Variants in SH3BP4 observed in about 807,000 individuals in gnomAD.
The protein encoded by SH3BP4 is SH3 domain-binding protein 4.
SH3BP4 carries 33 observed loss-of-function variants against 65.5 expected under a neutral mutation model. The observed-to-expected ratio is 0.50, with a 90% CI of 0.38 to 0.67. SH3BP4 has a LOEUF of 0.67. Among genes scored for constraint, SH3BP4 ranks in the 30% least tolerant of loss-of-function variants. SH3BP4 has a pLI of 0.00. For synonymous variants in SH3BP4, 552 were observed against 545.5 expected, an observed-to-expected ratio of 1.01 and a Z score of -0.17; for missense variants, 1,134 against 1,261.4, an observed-to-expected ratio of 0.90 and a Z score of 1.53.
At position 235,030,454 on chromosome 2, in the gene SH3BP4, A is replaced by G. The variant is rs1367991504; in HGVS notation, c.-132-4417A>G. 2.0e-5 allele frequency among the ~76,000 whole-genome samples: 3 copies of G among 152,152 alleles called. No homozygotes were observed. The highest frequency in any genetic ancestry group is 4.4e-5 in the Non-Finnish European group (3 of 68,016). ...CTAGGGCCCTTGAGGACGCAGTGGG[A>G]TGGTGCCTGGTGGAGCTATGAGCGC... On this transcript the variant is annotated intron_variant, in intron 2 of 5. Transcript: ENST00000392011. This position sits in a 1 kb window ranked among gnomAD's most constrained non-coding sequence, Gnocchi z 4.1.
intron 3 of SH3BP4, among the ~76,000 whole-genome samples, chr2:235,036,737 A>AT (rs1695393360): frequency 2.7e-5 from 1 of 37,650 alleles, no homozygotes; most frequent in Non-Finnish European, 4.2e-5. Flanking sequence ...GACTCTATAT[A>AT]AAAAATAATA....
chr2:234,975,608 G>C (rs1463524252), intron 1 of SH3BP4, among the ~76,000 whole-genome samples: 1 of 152,202 alleles, frequency 6.6e-6, no homozygotes, highest in Non-Finnish European at 1.5e-5. Context: ...GGGCGCCGTG[G>C]TTCATGTCTG....
intron 2 of SH3BP4, among the ~76,000 whole-genome samples, chr2:235,028,188 C>T (rs934254633): frequency 6.6e-6 from 1 of 152,222 alleles, no homozygotes; most frequent in Non-Finnish European, 1.5e-5. Flanking sequence ...TCTTCCTAGA[C>T]CTGACCCCGG....
chr2:234,981,801 G>A (rs752961426), intron 1 of SH3BP4: 1 of 152,148 alleles, frequency 6.6e-6, no homozygotes, highest in Non-Finnish European at 1.5e-5. Context: ...GAATCATACC[G>A]GAGTGGAAAA....
chr2:235,005,522 T>G (rs1694266502), intron 2 of SH3BP4, among the ~76,000 whole-genome samples: 1 of 152,154 alleles, frequency 6.6e-6, no homozygotes, highest in Non-Finnish European at 1.5e-5. Context: ...TCAGCCCTAC[T>G]GAGTGAAGAT....
Position 235,053,147 on chromosome 2 carries a change from C to T in SH3BP4, c.2667+397C>T, listed in dbSNP as rs531875950. 2.0e-3 allele frequency among the ~76,000 whole-genome samples: 303 copies of T among 152,294 alleles called. 4 individuals carry two copies. Among genetic ancestry groups the T allele is most frequent in the South Asian group, 0.016 (76 of 4,822 alleles). On this transcript the variant is annotated intron_variant, in intron 5 of 5. Coordinates refer to ENST00000392011, the MANE Select transcript of SH3BP4 (RefSeq NM_014521.3). ...TAACTTGGGCCAAAGCCGGTGTGGCCGGGCTCTTGCTCAGAGGTCCTTTGT... is the reference window on the plus strand; with the variant it reads ...TAACTTGGGCCAAAGCCGGTGTGGCTGGGCTCTTGCTCAGAGGTCCTTTGT...
intron 1 of SH3BP4, among the ~76,000 whole-genome samples, chr2:234,964,896 C>T (rs1329873854): frequency 1.3e-5 from 2 of 152,102 alleles, no homozygotes; most frequent in Non-Finnish European, 2.9e-5. Flanking sequence ...CATCCATCAT[C>T]GACGCCTGGC....
chr2:235,030,461 C>T lies in SH3BP4; in HGVS notation c.-132-4410C>T, dbSNP rs1406004691. On this transcript the variant is annotated intron_variant, in intron 2 of 5. Transcript: ENST00000392011. This position sits in a 1 kb window ranked among gnomAD's most constrained non-coding sequence, Gnocchi z 4.1. ...CCTTGAGGACGCAGTGGGATGGTGC[C>T]TGGTGGAGCTATGAGCGCAGCCTGT... 6.6e-6 allele frequency among the ~76,000 whole-genome samples: 1 copy of T among 152,192 alleles called. No individual in the cohort carries two copies. Among genetic ancestry groups the T allele is most frequent in the Non-Finnish European group, 1.5e-5 (1 of 68,032 alleles).
chr2:235,041,930 G>A lies in SH3BP4; in HGVS notation c.1161G>A (p.Val387=), dbSNP rs1695665032. 1.2e-6 allele frequency: 2 copies of A among 1,613,654 alleles called. No homozygotes were observed. The highest frequency in any genetic ancestry group is 1.7e-5 in the Admixed American group (1 of 60,016). Residue 387 remains valine (V), a synonymous_variant, in exon 4 of 6, where the codon GTG becomes GTA. Transcript: ENST00000392011. This position sits in a 1 kb window ranked among gnomAD's most constrained non-coding sequence, Gnocchi z 6.0. ...VLEVKLSNLE[V]KTSIILEMKV... is the part of the protein sequence containing the mutation. ...AGGTCAAGCTGAGCAACCTGGAGGT[G>A]AAAACCTCTATCATCTTGGAGATGA...
rs202196401 is a variant in SH3BP4, at chr2:235,042,555, G to A, written c.1786G>A (p.Asp596Asn). ...CACGCTGCGGGTTCAGGTGAAGGAC[G>A]ACCAGGAGGCCATCCTCACCCAGTT... Reference protein sequence around the residue: ...DFTLRVQVKDDQEAILTQFCV... With the variant: ...DFTLRVQVKDNQEAILTQFCV... Residue 596 changes from aspartate to asparagine, a missense_variant, in exon 4 of 6, where the codon GAC becomes AAC. Asp to Asn is a conservative substitution (Grantham distance 23). Coordinates refer to ENST00000392011, the MANE Select transcript of SH3BP4 (RefSeq NM_014521.3). The surrounding 1 kb of genome is among the most constrained non-coding windows in gnomAD (Gnocchi z 7.3). 3.0e-5 allele frequency: 48 copies of A among 1,613,978 alleles called. No individual in the cohort carries two copies. Among genetic ancestry groups the A allele is most frequent in the East Asian group, 1.3e-4 (6 of 44,870 alleles).
chr2:234,998,601 G>A (rs1011779252), intron 2 of SH3BP4, among the ~76,000 whole-genome samples: 6 of 152,186 alleles, frequency 3.9e-5, no homozygotes, highest in African/African-American at 1.2e-4. Flanking sequence ...CCAGCTGACC[G>A]CTGCAGTGGG....
At chr2:234,959,220 A>C (rs946382079) in intron 1 of SH3BP4, among the ~76,000 whole-genome samples, 3 of 152,178 alleles carry the variant, frequency 2.0e-5, no homozygotes, top group African/African-American at 7.2e-5. Flanking sequence ...CACCCGAGGA[A>C]CCTGCACCTG....
chr2:234,988,363 A>G (rs985947656), intron 1 of SH3BP4, among the ~76,000 whole-genome samples: 5 of 152,176 alleles, frequency 3.3e-5, no homozygotes, highest in African/African-American at 1.2e-4. Flanking sequence ...CCGGCCCGCC[A>G]GCCACGTTTT....
intron 4 of SH3BP4, among the ~76,000 whole-genome samples, chr2:235,044,459 C>A (rs1453558091): frequency 1.3e-5 from 2 of 152,192 alleles, no homozygotes; most frequent in East Asian, 3.9e-4. Context: ...GTGGAGAGTC[C>A]CTGTGGACTT....
At chr2:234,973,789 CCACACCCAGCTAA>C (rs1354790465) in intron 1 of SH3BP4, among the ~76,000 whole-genome samples, 1 of 152,010 alleles carries the variant, frequency 6.6e-6, no homozygotes, top group Non-Finnish European at 1.5e-5. Context: ...GCGTGTGCTA[CCACACCCAGCTAA>C]GTTTTACAAC....
At chr2:235,003,149 G>A (rs2035753987) in intron 2 of SH3BP4, among the ~76,000 whole-genome samples, 1 of 152,246 alleles carries the variant, frequency 6.6e-6, no homozygotes, top group African/African-American at 2.4e-5. Context: ...GATCGAATAA[G>A]CCCAGGGCTT....
chr2:235,053,703 C>T lies in SH3BP4; in HGVS notation c.2779C>T (p.Pro927Ser). 1 of 1,614,168 alleles carries T rather than the reference C, an allele frequency of 6.2e-7. No homozygotes were observed. Among genetic ancestry groups the T allele is most frequent in the Non-Finnish European group, 8.5e-7 (1 of 1,180,012 alleles). ...LHLGLDKMKN[P>S]ITKRWKHLTG... ...CCTGGGCCTGGACAAGATGAAAAACCCCATCACCAAGCGCTGGAAGCACCT... is the reference window on the plus strand; with the variant it reads ...CCTGGGCCTGGACAAGATGAAAAACTCCATCACCAAGCGCTGGAAGCACCT... The change falls in exon 6 of 6, where the codon CCC becomes TCC. Residue 927 changes from proline to serine, a missense_variant. Coordinates refer to ENST00000392011, the MANE Select transcript of SH3BP4 (RefSeq NM_014521.3).
chr2:235,032,128 C>T lies in SH3BP4; in HGVS notation c.-132-2743C>T, dbSNP rs118040407. Among the ~76,000 whole-genome samples the T allele has an allele frequency of 6.7e-4, 102 of 152,304 alleles. 1 individual carries two copies. In the East Asian group the frequency reaches 0.018, roughly 26 times the overall value. On this transcript the variant is annotated intron_variant, in intron 2 of 5. Transcript: ENST00000392011. ...CACATTGGTGATTAACAGGAGTCTT[C>T]GTTTGGCCACTGTGACCCAGAGCCT...
intron 4 of SH3BP4, among the ~76,000 whole-genome samples, chr2:235,051,534 G>A (rs1014889331): frequency 6.6e-6 from 1 of 152,176 alleles, no homozygotes; most frequent in African/African-American, 2.4e-5. Flanking sequence ...TCTGTGGTTA[G>A]TAATCCCTGT....
Sources: gnomAD v4.1 joint callset for allele counts (sites outside exome capture counted in the v4.1 genomes callset) on GRCh38, gnomAD v4.1.1 for gene constraint, Gnocchi (gnomAD v3.1) non-coding constraint, MANE v1.5 for transcripts, NCBI Gene and HGNC (gene_info 2026-07-23, HGNC 2026-07-21) for gene names.